Variants in TANGO6 observed in about 807,000 individuals in gnomAD.
TANGO6 encodes transport and Golgi organization protein 6 homolog.
Under a neutral mutation model 114.2 loss-of-function variants are expected in TANGO6, and 90 were observed. The observed-to-expected ratio is 0.79, with a 90% CI of 0.66 to 0.94. The LOEUF (loss-of-function observed/expected upper bound fraction) is 0.94, where lower values mean the gene tolerates loss of function less well. TANGO6 is among the 40% of genes least tolerant of loss of function. The probability of loss-of-function intolerance (pLI) is 0.00; values close to 1 mark genes in which losing one functional copy is unlikely to be tolerated. For synonymous variants in TANGO6, 477 were observed against 509.8 expected (o/e 0.94, Z 0.87); for missense variants, 1,274 against 1,315.3 (o/e 0.97, Z 0.49).
At chr16:68,930,193 C>T (rs1208159938) in intron 13 of TANGO6, 45 bp from the exon 14 acceptor site, 1 of 1,519,816 alleles carries the variant, frequency 6.6e-7, no homozygotes, top group Non-Finnish European at 8.9e-7. Context: ...TTAAATCTTC[C>T]TTGTTCTTTG....
intron 4 of TANGO6, among the ~76,000 whole-genome samples, chr16:68,871,564 GC>G (rs1342716779): frequency 6.6e-6 from 1 of 152,028 alleles, no homozygotes; most frequent in Non-Finnish European, 1.5e-5. Flanking sequence ...AATTACTAAT[GC>G]TCTTTTTGTG....
intron 1 of TANGO6, among the ~76,000 whole-genome samples, chr16:68,855,898 T>A (rs1398346187): frequency 2.0e-5 from 3 of 151,672 alleles, no homozygotes; most frequent in East Asian, 1.9e-4. Flanking sequence ...AAAAAAAAAA[T>A]TAAATTTCAT....
chr16:68,998,163 A>C (rs1567555797), intron 15 of TANGO6, among the ~76,000 whole-genome samples: 1 of 152,252 alleles, frequency 6.6e-6, no homozygotes, highest in East Asian at 1.9e-4. Context: ...GCTTTTCATG[A>C]ACTGGGCAGT....
intron 9 of TANGO6, among the ~76,000 whole-genome samples, chr16:68,903,089 A>G (rs1962805470): frequency 6.6e-6 from 1 of 152,246 alleles, no homozygotes; most frequent in Admixed American, 6.5e-5. Context: ...CCTGTTGGTC[A>G]TAGTCCATGT....
intron 7 of TANGO6, among the ~76,000 whole-genome samples, chr16:68,893,677 A>C (rs552488300): frequency 8.3e-5 from 12 of 144,762 alleles, no homozygotes; most frequent in Non-Finnish European, 1.5e-5. Context: ...CGGAGGTTGC[A>C]GTGAGCCAAG....
chr16:69,063,667 AAAAC>A (rs1960165131), intron 17 of TANGO6, among the ~76,000 whole-genome samples: 3 of 146,774 alleles, frequency 2.0e-5, no homozygotes, highest in Non-Finnish European at 3.0e-5. Flanking sequence ...AAAAAAAAAA[AAAAC>A]AAAGTTCTTT....
rs541559243 is a variant in TANGO6 at position 68,930,205 on chromosome 16, A to G, written c.2644-33A>G. 3.9e-6 allele frequency: 6 copies of G among 1,542,000 alleles called. No individual in the cohort carries two copies. In the East Asian group the frequency reaches 1.5e-4, roughly 38 times the overall value. ...CTCTTAAATCTTCCTTGTTCTTTGT[A>G]AATCTTATCACTGCTGTATTTTGTG... On this transcript the variant is annotated intron_variant, in intron 13 of 17. Coordinates refer to ENST00000261778, the MANE Select transcript of TANGO6 (RefSeq NM_024562.2).
At chr16:69,022,149 G>T (rs1354569696) in intron 15 of TANGO6, among the ~76,000 whole-genome samples, 1 of 151,816 alleles carries the variant, frequency 6.6e-6, no homozygotes, top group Non-Finnish European at 1.5e-5. Context: ...GCCTCCCAAA[G>T]TGCTGGGATT....
rs116552532 is a variant in TANGO6 at position 68,864,258 on chromosome 16, G to T, written c.852+1197G>T. Among the ~76,000 whole-genome samples, 825 of 151,828 alleles carry T rather than the reference G, an allele frequency of 5.4e-3. 10 individuals carry two copies. Among genetic ancestry groups the T allele is most frequent in the African/African-American group, 0.019 (800 of 41,364 alleles). ...GTTTGCTTTTAGTACCTACATTTTCGTTATGAATCTAGGTGTGTAAAGAGT... is the reference window on the plus strand; with the variant it reads ...GTTTGCTTTTAGTACCTACATTTTCTTTATGAATCTAGGTGTGTAAAGAGT... On this transcript the variant is annotated intron_variant, in intron 3 of 17. Transcript: ENST00000261778.
intron 11 of TANGO6, among the ~76,000 whole-genome samples, chr16:68,913,140 C>T (rs1186129825): frequency 6.6e-6 from 1 of 151,544 alleles, no homozygotes; most frequent in Non-Finnish European, 1.5e-5. Context: ...TCATAGCTCA[C>T]TGCAGCCTTC....
chr16:68,937,751 T>TTGCTTAGCC (rs1963314085), intron 14 of TANGO6: 1 of 152,244 alleles, frequency 6.6e-6, no homozygotes, highest in African/African-American at 2.4e-5. Context: ...TTCCATGGTA[T>TTGCTTAGCC]TGCTTAGCCA....
chr16:68,991,354 G>A (rs545980838), intron 15 of TANGO6, among the ~76,000 whole-genome samples: 1 of 152,182 alleles, frequency 6.6e-6, no homozygotes, highest in South Asian at 2.1e-4. Flanking sequence ...GATGGCTCAT[G>A]CCTGTAATAC....
intron 12 of TANGO6, among the ~76,000 whole-genome samples, chr16:68,924,193 C>CT (rs5817659): frequency 0.23 from 34,688 of 152,134 alleles, 4,709 homozygotes; most frequent in African/African-American, 0.38. Context: ...CTCTCTAATT[C>CT]TTTTGCTTTT....
At chr16:69,042,291 A>T (rs959255112) in intron 17 of TANGO6, among the ~76,000 whole-genome samples, 1 of 152,174 alleles carries the variant, frequency 6.6e-6, no homozygotes, top group African/African-American at 2.4e-5. Context: ...TCACACCTGT[A>T]ATCCCAGCAC....
At chr16:68,904,304 A>G (rs1432131542) in intron 9 of TANGO6, among the ~76,000 whole-genome samples, 1 of 152,166 alleles carries the variant, frequency 6.6e-6, no homozygotes, top group African/African-American at 2.4e-5. Context: ...ATTTGAATAC[A>G]GTACTTCATT....
intron 15 of TANGO6, among the ~76,000 whole-genome samples, chr16:69,020,944 T>TGTG: frequency 7.1e-6 from 1 of 141,366 alleles, no homozygotes; most frequent in Middle Eastern, 3.7e-3. Context: ...GTGTGTGTGG[T>TGTG]GTGTGTGTGT....
At chr16:68,893,592 C>T (rs867915550) in intron 7 of TANGO6, among the ~76,000 whole-genome samples, 28 of 151,782 alleles carry the variant, frequency 1.8e-4, no homozygotes, top group African/African-American at 3.9e-4. Context: ...AAAAATTAGC[C>T]GGGCGTGGTG....
At chr16:68,884,004 G>T (rs990686956) in intron 7 of TANGO6, among the ~76,000 whole-genome samples, 1 of 152,034 alleles carries the variant, frequency 6.6e-6, no homozygotes, top group Non-Finnish European at 1.5e-5. Flanking sequence ...ACACCTCCCA[G>T]GTTCAAGCGA....
At chr16:68,907,352 A>G in intron 9 of TANGO6, 91 bp from the exon 10 acceptor site, 1 of 1,336,176 alleles carries the variant, frequency 7.5e-7, no homozygotes, top group Non-Finnish European at 1.0e-6. Flanking sequence ...CTGTTTGGAC[A>G]TAACATGTTA....
Sources: gnomAD v4.1 joint callset for allele counts (sites outside exome capture counted in the v4.1 genomes callset) on GRCh38, gnomAD v4.1.1 for gene constraint, MANE v1.5 for transcripts, NCBI Gene and HGNC (gene_info 2026-07-23, HGNC 2026-07-21) for gene names.